The following PRKN variants were observed in gnomAD, a reference collection of about 807,000 sequenced individuals.
PRKN encodes the protein E3 ubiquitin-protein ligase parkin.
Under a neutral mutation model 59.5 loss-of-function variants are expected in PRKN, and 56 were observed. The observed-to-expected ratio is 0.94, with a 90% CI of 0.76 to 1.18. PRKN has a LOEUF of 1.18. Ranked by LOEUF, PRKN falls within the 50% of genes most tolerant of loss-of-function variation. PRKN has a pLI of 0.00. For synonymous variants in PRKN, 250 were observed against 222.1 expected (o/e 1.13, Z -1.12); for missense variants, 657 against 596.4 (o/e 1.10, Z -1.06).
chr6:161,989,341 G>T (rs752416403), intron 5 of PRKN, among the ~76,000 whole-genome samples: 2 of 152,168 alleles, frequency 1.3e-5, no homozygotes, highest in Non-Finnish European at 2.9e-5. Context: ...ATGCACATCA[G>T]GGGGCCTGAG....
At chr6:162,018,035 TA>T (rs1198490963) in intron 5 of PRKN, among the ~76,000 whole-genome samples, 1 of 152,110 alleles carries the variant, frequency 6.6e-6, no homozygotes, top group East Asian at 1.9e-4. Flanking sequence ...TTTTTATTTT[TA>T]TTTTTTTTGA....
At chr6:162,699,096 G>T (rs531146505) in intron 1 of PRKN, among the ~76,000 whole-genome samples, 1 of 152,302 alleles carries the variant, frequency 6.6e-6, no homozygotes, top group East Asian at 1.9e-4. Context: ...TACAGAAACA[G>T]AAACAAGTCT....
intron 1 of PRKN, among the ~76,000 whole-genome samples, chr6:162,632,254 CTCAGGTGTCCA>C (rs1423580954): frequency 6.6e-6 from 1 of 152,184 alleles, no homozygotes; most frequent in East Asian, 1.9e-4. Flanking sequence ...ATGGAATAAA[CTCAGGTGTCCA>C]TCAATAGTAG....
chr6:161,893,492 ACTGT>A (rs1382320289), intron 6 of PRKN, among the ~76,000 whole-genome samples: 1 of 152,188 alleles, frequency 6.6e-6, no homozygotes, highest in Non-Finnish European at 1.5e-5. Context: ...AACCTTAAAC[ACTGT>A]CTGTGCCTTC....
intron 3 of PRKN, among the ~76,000 whole-genome samples, chr6:162,212,613 A>G (rs1410836971): frequency 6.6e-6 from 1 of 152,238 alleles, no homozygotes; most frequent in Non-Finnish European, 1.5e-5. Context: ...AGGTAAACTT[A>G]GAGAAATCTA....
intron 1 of PRKN, chr6:162,569,118 T>C: frequency 1.6e-6 from 1 of 644,042 alleles, no homozygotes. Context: ...TATGAGGAGA[T>C]CACCCAACCT....
intron 1 of PRKN, 145 bp downstream of exon 1, chr6:162,727,517 C>T: frequency 1.1e-6 from 1 of 888,676 alleles, no homozygotes; most frequent in Non-Finnish European, 1.7e-6. Flanking sequence ...GGGAGCCCGG[C>T]GGCGCGGGCC....
intron 2 of PRKN, among the ~76,000 whole-genome samples, chr6:162,429,611 C>T (rs774793897): frequency 5.3e-5 from 8 of 152,196 alleles, no homozygotes; most frequent in Admixed American, 2.6e-4. Context: ...CTAAGTGGCC[C>T]GCCACCTGCC....
intron 6 of PRKN, among the ~76,000 whole-genome samples, chr6:161,822,910 C>T (rs1016713498): frequency 6.6e-6 from 1 of 151,934 alleles, no homozygotes; most frequent in African/African-American, 2.4e-5. Flanking sequence ...TACTTATATC[C>T]TTGCCAATTT....
In PRKN at chr6:161,356,380, G is replaced by A. The variant is rs1784751171; in HGVS notation, c.1285+3708C>T. On this transcript the variant is annotated intron_variant, in intron 11 of 11. Transcript: ENST00000366898. This position sits in a 1 kb window ranked among gnomAD's most constrained non-coding sequence, Gnocchi z 7.8. ...GCAGTGACGACACAGAAGCGTCCTG[G>A]GGAGAGGAGCGGGACTGTGTGGTTG... 6.6e-6 allele frequency among the ~76,000 whole-genome samples: 1 copy of A among 152,224 alleles called. No homozygotes were observed. The highest frequency in any genetic ancestry group is 1.5e-5 in the Non-Finnish European group (1 of 68,040).
intron 7 of PRKN, among the ~76,000 whole-genome samples, chr6:161,718,022 A>C (rs1462832649): frequency 3.9e-5 from 6 of 152,246 alleles, no homozygotes; most frequent in African/African-American, 1.2e-4. Context: ...CACATCGACC[A>C]GAGCTAGCTA....
chr6:161,733,797 T>TATATATAC (rs58765166), intron 7 of PRKN, among the ~76,000 whole-genome samples: 36 of 82,000 alleles, frequency 4.4e-4, no homozygotes, highest in African/African-American at 1.4e-3. Context: ...TATATATATA[T>TATATATAC]GTATATATAT....
chr6:162,032,453 G>A (rs1393259589), intron 5 of PRKN, among the ~76,000 whole-genome samples: 3 of 152,092 alleles, frequency 2.0e-5, no homozygotes, highest in East Asian at 1.9e-4. Context: ...CAGAAAACAT[G>A]TCTGAATCTT....
intron 5 of PRKN, among the ~76,000 whole-genome samples, chr6:161,977,558 T>G (rs957610968): frequency 7.4e-5 from 11 of 148,470 alleles, no homozygotes; most frequent in African/African-American, 2.7e-4. Context: ...TTTTTTTTTT[T>G]TTTTTTTAAG....
At chr6:162,567,381 C>A (rs1017182538) in intron 1 of PRKN, among the ~76,000 whole-genome samples, 3 of 152,254 alleles carry the variant, frequency 2.0e-5, no homozygotes, top group South Asian at 2.1e-4. Flanking sequence ...CTTAAGATTC[C>A]ACAAGAAACC....
At chr6:162,355,227 T>G (rs1784800805) in intron 2 of PRKN, among the ~76,000 whole-genome samples, 1 of 151,068 alleles carries the variant, frequency 6.6e-6, no homozygotes, top group African/African-American at 2.5e-5. Flanking sequence ...GAAATTATGT[T>G]CTAGGCTAGA....
chr6:161,708,866 T>G (rs1786623956), intron 7 of PRKN, among the ~76,000 whole-genome samples: 1 of 152,114 alleles, frequency 6.6e-6, no homozygotes. Flanking sequence ...AAATCCCAGG[T>G]GAAGAAAACC....
At chr6:161,646,420 G>A (rs1418226040) in intron 7 of PRKN, among the ~76,000 whole-genome samples, 3 of 120,722 alleles carry the variant, frequency 2.5e-5, no homozygotes, top group African/African-American at 6.0e-5. Context: ...ATCAGTGACA[G>A]TGGTCACTGC....
chr6:161,662,364 A>AG (rs1220271424), intron 7 of PRKN, among the ~76,000 whole-genome samples: 1 of 152,162 alleles, frequency 6.6e-6, no homozygotes, highest in Non-Finnish European at 1.5e-5. Context: ...CCACAGTGAC[A>AG]GGAACGGATG....
Sources: allele counts gnomAD v4.1 joint callset (sites outside exome capture counted in the v4.1 genomes callset), GRCh38; gene constraint gnomAD v4.1.1; non-coding constraint Gnocchi (gnomAD v3.1); transcripts MANE v1.5; gene names NCBI Gene and HGNC (gene_info 2026-07-23, HGNC 2026-07-21).